Variants in HCRTR2 observed in about 807,000 individuals in gnomAD.
The protein encoded by HCRTR2 is hypocretin receptor 2, also known as orexin receptor type 2.
A neutral mutation model predicts 49.0 loss-of-function variants in HCRTR2; 22 were observed. That is an observed-to-expected ratio of 0.45 (90% CI 0.32 to 0.64). The LOEUF is 0.64. HCRTR2 is among the 30% of genes least tolerant of loss of function. HCRTR2 has a pLI of 0.04. For missense variants in HCRTR2, 491 were observed against 559.4 expected, an observed-to-expected ratio of 0.88 and a Z score of 1.23; for synonymous variants, 236 against 205.3, an observed-to-expected ratio of 1.15 and a Z score of -1.28.
At chr6:55,247,754 G>C (rs1766473943) in intron 1 of HCRTR2, among the ~76,000 whole-genome samples, 1 of 152,054 alleles carries the variant, frequency 6.6e-6, no homozygotes, top group Non-Finnish European at 1.5e-5. Flanking sequence ...TTTGAACTGG[G>C]GATATACTAC....
intron 3 of HCRTR2, among the ~76,000 whole-genome samples, chr6:55,258,175 C>A (rs1766688578): frequency 6.6e-6 from 1 of 152,094 alleles, no homozygotes; most frequent in Non-Finnish European, 1.5e-5. Context: ...TAAAGGCCAA[C>A]TGTCATTTAG....
At chr6:55,249,941 T>C (rs1370484687) in intron 2 of HCRTR2, among the ~76,000 whole-genome samples, 1 of 151,872 alleles carries the variant, frequency 6.6e-6, no homozygotes, top group Admixed American at 6.6e-5. Flanking sequence ...AAACAGAAAA[T>C]AAGCTCCCAG....
At chr6:55,169,496 A>G (rs1230543185) in intron 1 of HCRTR2, among the ~76,000 whole-genome samples, 3 of 151,588 alleles carry the variant, frequency 2.0e-5, no homozygotes, top group African/African-American at 4.8e-5. Context: ...GCGTACAGTG[A>G]CACATGTTAT....
intron 1 of HCRTR2, among the ~76,000 whole-genome samples, chr6:55,128,829 T>A (rs979897030): frequency 6.6e-6 from 1 of 152,258 alleles, no homozygotes; most frequent in East Asian, 1.9e-4. Context: ...TTTAATATAC[T>A]GTGGCACACT....
intron 1 of HCRTR2, among the ~76,000 whole-genome samples, chr6:55,109,492 G>A (rs1764020484): frequency 6.6e-6 from 1 of 151,898 alleles, no homozygotes; most frequent in African/African-American, 2.4e-5. Flanking sequence ...GGATATGGAT[G>A]GAAAAATCTC....
At chr6:55,215,852 A>T (rs551368273) in intron 1 of HCRTR2, among the ~76,000 whole-genome samples, 87 of 152,378 alleles carry the variant, frequency 5.7e-4, no homozygotes, top group Non-Finnish European at 1.2e-3. Flanking sequence ...AGTGTGTCTC[A>T]GTCCATTTTT....
chr6:55,175,685 CT>C (rs1765027921), intron 1 of HCRTR2, among the ~76,000 whole-genome samples: 1 of 152,112 alleles, frequency 6.6e-6, no homozygotes, highest in Non-Finnish European at 1.5e-5. Flanking sequence ...CCTCATCCCC[CT>C]CCCCCTAAAC....
At chr6:55,173,210 G>C (rs1355365106), upstream of HCRTR2, among the ~76,000 whole-genome samples, 1 of 152,210 alleles carries the variant, frequency 6.6e-6, no homozygotes, top group African/African-American at 2.4e-5. Flanking sequence ...AGAGGTAAAA[G>C]TCTCAAAAAG....
At chr6:55,131,458 G>T (rs938888058) in intron 1 of HCRTR2, among the ~76,000 whole-genome samples, 10 of 151,780 alleles carry the variant, frequency 6.6e-5, no homozygotes, top group Non-Finnish European at 1.3e-4. Context: ...TCTTGTGTAG[G>T]TATTAAAGTT....
At chr6:55,241,861 A>T (rs1042535820) in intron 1 of HCRTR2, among the ~76,000 whole-genome samples, 5 of 92,524 alleles carry the variant, frequency 5.4e-5, no homozygotes, top group East Asian at 2.7e-4. Context: ...ATGGCAACTA[A>T]TTTTTTTTTT....
intron 1 of HCRTR2, among the ~76,000 whole-genome samples, chr6:55,188,068 C>T (rs1765255581): frequency 6.6e-6 from 1 of 152,224 alleles, no homozygotes; most frequent in Non-Finnish European, 1.5e-5. Flanking sequence ...AGGCATGAGC[C>T]ACCACACCCG....
intron 1 of HCRTR2, among the ~76,000 whole-genome samples, chr6:55,203,057 T>A (rs754313643): frequency 5.9e-5 from 9 of 152,134 alleles, no homozygotes; most frequent in Non-Finnish European, 1.2e-4. Flanking sequence ...TTATTCAGAG[T>A]TCTTCCAGTT....
chr6:55,170,751 G>A (rs1208293059), upstream of HCRTR2, among the ~76,000 whole-genome samples: 2 of 106,240 alleles, frequency 1.9e-5, no homozygotes, highest in African/African-American at 7.9e-5. Context: ...CCCCACGACA[G>A]GTTCCAGTGT....
intron 4 of HCRTR2, among the ~76,000 whole-genome samples, chr6:55,271,891 T>C (rs577885529): frequency 1.3e-5 from 2 of 152,232 alleles, no homozygotes; most frequent in African/African-American, 2.4e-5. Context: ...TGTGGAGTAA[T>C]TGGAATCCTT....
downstream of HCRTR2, among the ~76,000 whole-genome samples, chr6:55,284,257 A>C (rs1386498106): frequency 6.6e-6 from 1 of 152,110 alleles, no homozygotes; most frequent in Non-Finnish European, 1.5e-5. Context: ...GAAGGAAAAA[A>C]CTGACTCAGA....
At chr6:55,153,684 T>C (rs1308993555) in intron 1 of HCRTR2, among the ~76,000 whole-genome samples, 1 of 151,984 alleles carries the variant, frequency 6.6e-6, no homozygotes, top group Non-Finnish European at 1.5e-5. Flanking sequence ...TCAAATTTGC[T>C]TTGGTCATTT....
At chr6:55,272,784 CA>C (rs1449391465) in intron 4 of HCRTR2, among the ~76,000 whole-genome samples, 1 of 137,800 alleles carries the variant, frequency 7.3e-6, no homozygotes, top group Non-Finnish European at 1.5e-5. Context: ...CATAGATGTG[CA>C]AAAAATGAGA....
At chr6:55,184,653 A>G (rs1232754588) in intron 1 of HCRTR2, among the ~76,000 whole-genome samples, 2 of 152,230 alleles carry the variant, frequency 1.3e-5, no homozygotes, top group African/African-American at 4.8e-5. Flanking sequence ...ATTTCCCTAC[A>G]GGTTGGCATG....
chr6:55,124,341 C>G (rs969859439), intron 1 of HCRTR2, among the ~76,000 whole-genome samples: 2 of 152,188 alleles, frequency 1.3e-5, no homozygotes, highest in African/African-American at 4.8e-5. Flanking sequence ...TTTTACAGAA[C>G]AACTTTATTT....
Sources: gnomAD v4.1 joint callset for allele counts (sites outside exome capture counted in the v4.1 genomes callset) on GRCh38, gnomAD v4.1.1 for gene constraint, MANE v1.5 for transcripts, NCBI Gene and HGNC (gene_info 2026-07-23, HGNC 2026-07-21) for gene names.